GPC6: variants seen among roughly 807,000 people sequenced by gnomAD.
GPC6 encodes the protein glypican-6.
A neutral mutation model predicts 55.2 loss-of-function variants in GPC6; 14 were observed. The ratio of observed to expected loss-of-function variants is 0.25; its 90% CI spans 0.17 to 0.40. The LOEUF (loss-of-function observed/expected upper bound fraction) is 0.40. Ranked by LOEUF, GPC6 falls within the 10% of genes least tolerant of loss-of-function variation. GPC6 has a pLI of 1.00. For missense variants in GPC6, 641 were observed against 708.5 expected (o/e 0.90, Z 1.08); for synonymous variants, 278 against 259.6 (o/e 1.07, Z -0.68).
chr13:93,904,354 A>C (rs1434095892), intron 3 of GPC6, among the ~76,000 whole-genome samples: 1 of 152,194 alleles, frequency 6.6e-6, no homozygotes, highest in Admixed American at 6.5e-5. Context: ...GTAGGAAGAC[A>C]TGCAGGTTAC....
At position 93,589,704 on chromosome 13, in the gene GPC6, T is replaced by C. The variant is rs77052568; in HGVS notation, c.319+44283T>C. 9.6e-3 allele frequency among the ~76,000 whole-genome samples: 1,464 copies of C among 152,294 alleles called. 11 individuals carry two copies. The highest frequency in any genetic ancestry group is 0.013 in the Non-Finnish European group (914 of 68,026). Reference sequence around the variant, plus strand: ...TTTTAGAAATATGAAATGAGGCCATTTGACCCTTTGATTAGTAAATGCATT... The same window carrying C: ...TTTTAGAAATATGAAATGAGGCCATCTGACCCTTTGATTAGTAAATGCATT... On this transcript the variant is annotated intron_variant, in intron 2 of 8. Coordinates refer to ENST00000377047, the MANE Select transcript of GPC6 (RefSeq NM_005708.5).
intron 4 of GPC6, among the ~76,000 whole-genome samples, chr13:94,180,719 T>C (rs1888959952): frequency 6.6e-6 from 1 of 152,254 alleles, no homozygotes; most frequent in South Asian, 2.1e-4. Context: ...GGAAATGAAA[T>C]TGATCAATAG....
At chr13:93,480,390 C>G (rs1238935134) in intron 1 of GPC6, among the ~76,000 whole-genome samples, 3 of 152,152 alleles carry the variant, frequency 2.0e-5, no homozygotes, top group African/African-American at 7.2e-5. Context: ...ATACTATGAA[C>G]AGAAGTTTTG....
intron 2 of GPC6, among the ~76,000 whole-genome samples, chr13:93,806,298 A>C (rs1325992756): frequency 6.6e-6 from 1 of 151,946 alleles, no homozygotes; most frequent in African/African-American, 2.4e-5. Flanking sequence ...AGCAATGGGG[A>C]CAACGTATAA....
chr13:93,626,984 A>T (rs1280208182), intron 2 of GPC6, among the ~76,000 whole-genome samples: 2 of 151,946 alleles, frequency 1.3e-5, no homozygotes, highest in Non-Finnish European at 2.9e-5. Context: ...ATGAAGAGAG[A>T]GAGAGGGAAG....
At chr13:94,145,397 G>C (rs1303095662) in intron 4 of GPC6, among the ~76,000 whole-genome samples, 1 of 152,092 alleles carries the variant, frequency 6.6e-6, no homozygotes. Context: ...ATGGTAAAGT[G>C]TCCAAATAAT....
chr13:94,080,854 G>A (rs990665696), intron 4 of GPC6, among the ~76,000 whole-genome samples: 2 of 152,166 alleles, frequency 1.3e-5, no homozygotes, highest in African/African-American at 4.8e-5. Context: ...GGTGGGTCGA[G>A]CTTCAAGATA....
At chr13:93,663,137 G>T in intron 2 of GPC6, among the ~76,000 whole-genome samples, 1 of 150,096 alleles carries the variant, frequency 6.7e-6, no homozygotes. Context: ...AAGGAGTTCA[G>T]AGACTGACAG....
chr13:93,873,273 C>T (rs1194928377), intron 3 of GPC6, among the ~76,000 whole-genome samples: 1 of 151,952 alleles, frequency 6.6e-6, no homozygotes, highest in East Asian at 1.9e-4. Context: ...AAAATACTGA[C>T]AGTTAATGCA....
chr13:93,927,219 C>A (rs773820616), intron 3 of GPC6, among the ~76,000 whole-genome samples: 18 of 152,166 alleles, frequency 1.2e-4, no homozygotes, highest in Non-Finnish European at 2.6e-4. Flanking sequence ...GAGAGAATTT[C>A]ATTGAGTCTC....
chr13:94,237,106 A>G (rs1430421706), intron 4 of GPC6, among the ~76,000 whole-genome samples: 5 of 152,150 alleles, frequency 3.3e-5, no homozygotes, highest in Non-Finnish European at 4.4e-5. Context: ...CTGCCTGGGT[A>G]GCAGGATGAG....
At chr13:93,844,279 C>A (rs1415185370) in intron 3 of GPC6, among the ~76,000 whole-genome samples, 1 of 152,096 alleles carries the variant, frequency 6.6e-6, no homozygotes, top group African/African-American at 2.4e-5. Context: ...GCTGGGACTA[C>A]AGGCATGCAC....
intron 4 of GPC6, among the ~76,000 whole-genome samples, chr13:94,115,057 C>T (rs9301937): frequency 0.19 from 29,631 of 152,032 alleles, 3,600 homozygotes; most frequent in Non-Finnish European, 0.28. Context: ...AGTTTAAACT[C>T]AAGGCAGTGT....
At chr13:94,387,730 T>TTCTC (rs3044333) in intron 7 of GPC6, among the ~76,000 whole-genome samples, 41,405 of 140,988 alleles carry the variant, frequency 0.29, 6,142 homozygotes, top group Middle Eastern at 0.39. Context: ...AGACATGAGT[T>TTCTC]TCTCTCTCTC....
At chr13:93,672,657 C>CAA (rs1881415095) in intron 2 of GPC6, among the ~76,000 whole-genome samples, 1 of 97,272 alleles carries the variant, frequency 1.0e-5, no homozygotes, top group Non-Finnish European at 2.7e-5. Context: ...TATATATATG[C>CAA]CATATATATA....
intron 1 of GPC6, among the ~76,000 whole-genome samples, chr13:93,231,409 A>ATATG (rs1555336162): frequency 2.7e-4 from 10 of 36,852 alleles, no homozygotes; most frequent in Non-Finnish European, 5.0e-4. Flanking sequence ...ATATATATAT[A>ATATG]TATATATATA....
rs74108045 is a variant in GPC6 at position 93,243,754 on chromosome 13, A to G, written c.160+16138A>G. Among the ~76,000 whole-genome samples, 385 of 152,238 alleles carry G rather than the reference A, an allele frequency of 2.5e-3. 3 individuals carry two copies. Among genetic ancestry groups the G allele is most frequent in the African/African-American group, 8.9e-3 (371 of 41,520 alleles). ...CTGGGTAGCTGGGGTGGTGTGGACAATGGTGTTAGCTGAGGTCAAAGAAGA... is the reference window on the plus strand; with the variant it reads ...CTGGGTAGCTGGGGTGGTGTGGACAGTGGTGTTAGCTGAGGTCAAAGAAGA... On this transcript the variant is annotated intron_variant, in intron 1 of 8. Coordinates refer to ENST00000377047, the MANE Select transcript of GPC6 (RefSeq NM_005708.5).
chr13:94,360,434 G>T (rs1424468901), intron 6 of GPC6, among the ~76,000 whole-genome samples: 1 of 152,146 alleles, frequency 6.6e-6, no homozygotes, highest in East Asian at 1.9e-4. Flanking sequence ...ATCTGTCTTT[G>T]GACCTCCTAA....
intron 1 of GPC6, among the ~76,000 whole-genome samples, chr13:93,453,278 T>C (rs1193125657): frequency 1.3e-5 from 2 of 152,176 alleles, no homozygotes. Context: ...AATATGCCCC[T>C]GTGTTTAATG....
Sources: gnomAD v4.1 joint callset for allele counts (sites outside exome capture counted in the v4.1 genomes callset) on GRCh38, gnomAD v4.1.1 for gene constraint, MANE v1.5 for transcripts, NCBI Gene and HGNC (gene_info 2026-07-23, HGNC 2026-07-21) for gene names.